Variants in FGF12 observed in about 807,000 individuals in gnomAD.
FGF12 encodes the protein fibroblast growth factor 12B.
In FGF12, 14 loss-of-function variants were observed where a neutral mutation model predicts 23.6. That is an observed-to-expected ratio of 0.59 (90% CI 0.39 to 0.93). The LOEUF is 0.93. Among genes scored for constraint, FGF12 ranks in the 40% least tolerant of loss-of-function variants. The probability of loss-of-function intolerance (pLI) is 0.00; values close to 1 mark genes in which losing one functional copy is unlikely to be tolerated. For missense variants in FGF12, 175 were observed against 217.8 expected (o/e 0.80, Z 1.24); for synonymous variants, 62 against 77.3 (o/e 0.80, Z 1.04).
intron 4 of FGF12, among the ~76,000 whole-genome samples, chr3:192,225,473 G>A (rs1718685739): frequency 6.6e-6 from 1 of 152,072 alleles, no homozygotes; most frequent in African/African-American, 2.4e-5. Context: ...AGCCTCCAAT[G>A]AGGATGTAAA....
At chr3:192,250,787 G>GT (rs1021065639) in intron 4 of FGF12, among the ~76,000 whole-genome samples, 69 of 151,228 alleles carry the variant, frequency 4.6e-4, no homozygotes, top group African/African-American at 1.4e-3. Context: ...TATTTTGAAG[G>GT]TTTTTTTTTA....
chr3:192,707,744 CAAAAAAAAAA>C (rs780175053), intron 2 of FGF12, among the ~76,000 whole-genome samples: 8 of 84,844 alleles, frequency 9.4e-5, no homozygotes, highest in Non-Finnish European at 1.7e-4. Context: ...GACTCCTTCT[CAAAAAAAAAA>C]AAAAAAAAGA....
intron 2 of FGF12, among the ~76,000 whole-genome samples, chr3:192,709,616 C>A (rs1037606395): frequency 6.6e-6 from 1 of 152,184 alleles, no homozygotes; most frequent in Non-Finnish European, 1.5e-5. Flanking sequence ...AGCTGAAAAT[C>A]ACTTTCAAAT....
intron 5 of FGF12, among the ~76,000 whole-genome samples, chr3:192,145,924 T>C (rs181323329): frequency 4.0e-4 from 45 of 112,444 alleles, no homozygotes; most frequent in Non-Finnish European, 9.5e-4. Context: ...CTCTTTCTAT[T>C]ATAAAAAAAA....
chr3:192,561,727 A>G (rs1712046412), intron 2 of FGF12, among the ~76,000 whole-genome samples: 1 of 152,186 alleles, frequency 6.6e-6, no homozygotes, highest in African/African-American at 2.4e-5. Context: ...GTACTATGTT[A>G]CAAACGATTA....
At chr3:192,199,333 C>A (rs1717239917) in intron 4 of FGF12, among the ~76,000 whole-genome samples, 1 of 152,184 alleles carries the variant, frequency 6.6e-6, no homozygotes, top group African/African-American at 2.4e-5. Context: ...TTCTATTCAA[C>A]CTCCCTAACG....
intron 2 of FGF12, among the ~76,000 whole-genome samples, chr3:192,585,681 A>G (rs1170005325): frequency 3.9e-5 from 6 of 152,074 alleles, no homozygotes; most frequent in African/African-American, 1.2e-4. Context: ...CTTGCCATCC[A>G]TGAACTCCCC....
intron 4 of FGF12, among the ~76,000 whole-genome samples, chr3:192,312,668 T>C (rs1228002501): frequency 2.0e-5 from 3 of 151,566 alleles, no homozygotes; most frequent in African/African-American, 7.3e-5. Context: ...AAACTTAAAA[T>C]GTTATGCCGT....
At chr3:192,562,123 T>C (rs1433765832) in intron 2 of FGF12, among the ~76,000 whole-genome samples, 2 of 152,164 alleles carry the variant, frequency 1.3e-5, no homozygotes, top group East Asian at 1.9e-4. Flanking sequence ...CTCAGAAATT[T>C]TGTTTAGGAA....
chr3:192,546,486 C>T, intron 2 of FGF12, among the ~76,000 whole-genome samples: 5 of 142,906 alleles, frequency 3.5e-5, no homozygotes, highest in East Asian at 4.1e-4. Flanking sequence ...TGCTACTTTT[C>T]AAAAAAAAAA....
At chr3:192,615,666 C>T (rs1033549318) in intron 2 of FGF12, among the ~76,000 whole-genome samples, 2 of 151,948 alleles carry the variant, frequency 1.3e-5, no homozygotes, top group Admixed American at 6.6e-5. Flanking sequence ...AATATATATA[C>T]AAGAATATGC....
chr3:192,276,681 A>G (rs748106145), intron 4 of FGF12, among the ~76,000 whole-genome samples: 1 of 152,124 alleles, frequency 6.6e-6, no homozygotes. Context: ...GGGTGATAGA[A>G]ACCAGAACCC....
chr3:192,280,238 C>T (rs1714064816), intron 4 of FGF12, among the ~76,000 whole-genome samples: 1 of 151,972 alleles, frequency 6.6e-6, no homozygotes, highest in Non-Finnish European at 1.5e-5. Context: ...TTTTTCCAAA[C>T]AAATGTTAGT....
At chr3:192,248,989 G>A (rs531955046) in intron 4 of FGF12, among the ~76,000 whole-genome samples, 1 of 152,180 alleles carries the variant, frequency 6.6e-6, no homozygotes, top group African/African-American at 2.4e-5. Context: ...CTGTTTTGGC[G>A]CTCAAATTGA....
chr3:192,320,278 G>A (rs1716465692), intron 4 of FGF12, among the ~76,000 whole-genome samples: 1 of 152,066 alleles, frequency 6.6e-6, no homozygotes, highest in Non-Finnish European at 1.5e-5. Context: ...AGTCAATTCA[G>A]CAAGAGGATA....
chr3:192,500,960 A>G (rs1227126897), intron 2 of FGF12, among the ~76,000 whole-genome samples: 2 of 152,218 alleles, frequency 1.3e-5, no homozygotes, highest in South Asian at 2.1e-4. Context: ...TCCATAGTCC[A>G]TACTCTCAGC....
rs1201405778 is a variant in FGF12 at position 192,172,817 on chromosome 3, A to G, written c.229-2161T>C. Among the ~76,000 whole-genome samples the G allele has an allele frequency of 2.6e-5, 4 of 151,180 alleles. 1 individual carries two copies. Among genetic ancestry groups the G allele is most frequent in the Non-Finnish European group, 5.9e-5 (4 of 67,668 alleles). ...ATAGTTCTAAGATTAATGAAAACATATGTCCACACAAAAACTTGTGCACAA... is the reference window on the plus strand; with the variant it reads ...ATAGTTCTAAGATTAATGAAAACATGTGTCCACACAAAAACTTGTGCACAA... On this transcript the variant is annotated intron_variant, in intron 4 of 5. Coordinates refer to ENST00000445105, the MANE Select transcript of FGF12 (RefSeq NM_004113.6).
At chr3:192,329,364 G>C (rs373067819) in intron 4 of FGF12, among the ~76,000 whole-genome samples, 4 of 152,170 alleles carry the variant, frequency 2.6e-5, no homozygotes, top group Non-Finnish European at 4.4e-5. Context: ...TAGCACTTTA[G>C]TAAGTCTTAT....
intron 2 of FGF12, among the ~76,000 whole-genome samples, chr3:192,671,950 C>CAT (rs1301656891): frequency 6.6e-6 from 1 of 152,080 alleles, no homozygotes; most frequent in Admixed American, 6.5e-5. Context: ...AAACTATCAC[C>CAT]ATAGCAAGGA....
Sources: gnomAD v4.1 joint callset for allele counts (sites outside exome capture counted in the v4.1 genomes callset) on GRCh38, gnomAD v4.1.1 for gene constraint, MANE v1.5 for transcripts, NCBI Gene and HGNC (gene_info 2026-07-23, HGNC 2026-07-21) for gene names.